CCZ1: variants seen among roughly 807,000 people sequenced by gnomAD.
The protein encoded by CCZ1 is vacuolar fusion protein CCZ1 homolog.
Under a neutral mutation model 57.8 loss-of-function variants are expected in CCZ1, and 19 were observed. That is an observed-to-expected ratio of 0.33 (90% confidence interval 0.23 to 0.48). The LOEUF is 0.48. CCZ1 is among the 20% of genes least tolerant of loss of function. The pLI is 0.99. For missense variants in CCZ1, 200 were observed against 492.0 expected, an observed-to-expected ratio of 0.41 and a Z score of 5.61; for synonymous variants, 81 against 167.0, an observed-to-expected ratio of 0.49 and a Z score of 3.97.
chr7:5,901,493 A>AG (rs1389372332), intron 4 of CCZ1, 164 bp from the exon 5 acceptor site: 2 of 1,237,316 alleles, frequency 1.6e-6, no homozygotes, highest in African/African-American at 3.2e-5. Context: ...TCAAAAAAAA[A>AG]AAAAAAAGAA....
intron 10 of CCZ1, among the ~76,000 whole-genome samples, chr7:5,914,987 C>G (rs1044815300): frequency 6.8e-6 from 1 of 147,154 alleles, no homozygotes; most frequent in Non-Finnish European, 1.5e-5. Context: ...AGTGAGCACA[C>G]CAAGAAGGAA....
chr7:5,910,137 G>C (rs1271104854), intron 8 of CCZ1, 21 bp downstream of exon 8: 1 of 1,586,634 alleles, frequency 6.3e-7, no homozygotes, highest in South Asian at 1.1e-5. Flanking sequence ...TACCATAGCT[G>C]CGCACAATTA....
intron 5 of CCZ1, 192 bp from the exon 6 acceptor site, chr7:5,902,469 A>G: frequency 9.3e-7 from 1 of 1,072,348 alleles, no homozygotes; most frequent in Non-Finnish European, 1.2e-6. Flanking sequence ...TAAATAAGAC[A>G]GCATCACTTA....
At chr7:5,909,597 G>A (rs1781919570) in intron 7 of CCZ1, among the ~76,000 whole-genome samples, 1 of 148,148 alleles carries the variant, frequency 6.8e-6, no homozygotes, top group Non-Finnish European at 1.5e-5. Context: ...TAGTCTGGAG[G>A]CTGAGATGGG....
At chr7:5,903,909 C>T (rs528076758) in intron 6 of CCZ1, among the ~76,000 whole-genome samples, 11 of 143,022 alleles carry the variant, frequency 7.7e-5, no homozygotes, top group South Asian at 7.3e-4. Context: ...GCAGGAGAAT[C>T]GCTTGAACCC....
chr7:5,902,601 A>G (rs1005439823), intron 5 of CCZ1, 60 bp from the exon 6 acceptor site: 1 of 1,526,338 alleles, frequency 6.6e-7, no homozygotes, highest in Non-Finnish European at 8.7e-7. Flanking sequence ...AGAACTTGTT[A>G]TACTGAAAAA....
intron 7 of CCZ1, among the ~76,000 whole-genome samples, chr7:5,907,765 G>A (rs1327765198): frequency 1.6e-5 from 2 of 125,184 alleles, no homozygotes; most frequent in African/African-American, 6.2e-5. Context: ...CAGTGTGCTC[G>A]TGGGGAAAGG....
chr7:5,910,004 C>T (rs750719364), intron 7 of CCZ1, 31 bp from the exon 8 acceptor site: 16 of 1,592,222 alleles, frequency 1.0e-5, no homozygotes, highest in South Asian at 1.0e-4. Context: ...CAGTTCCAAA[C>T]GTTTAACCCA....
chr7:5,902,589 A>G, intron 5 of CCZ1, 72 bp from the exon 6 acceptor site: 2 of 1,499,224 alleles, frequency 1.3e-6, no homozygotes, highest in Admixed American at 4.7e-5. Flanking sequence ...TAAAGGAAAA[A>G]AAGAACTTGT....
chr7:5,920,469 G>A lies in CCZ1; in HGVS notation c.1106+503G>A, dbSNP rs1295389265. Among the ~76,000 whole-genome samples the A allele has an allele frequency of 9.0e-5, 2 of 22,146 alleles. 1 individual carries two copies. Among genetic ancestry groups the A allele is most frequent in the Non-Finnish European group, 1.5e-4 (2 of 13,236 alleles). 14.5% of individuals were successfully genotyped at this position (22,146 alleles called of 152,430 possible). On this transcript the variant is annotated intron_variant, in intron 12 of 14. Transcript: ENST00000325974. ...AATGTCCTTGAATTCTTTCTCCCTG[G>A]CTTTTTTTTTTTTTTTTTGAGACAA...
At chr7:5,899,334 G>GTGTGTGTGTGTGT (rs1562536429) in intron 1 of CCZ1, among the ~76,000 whole-genome samples, 2 of 12,554 alleles carry the variant, frequency 1.6e-4, no homozygotes, top group African/African-American at 5.6e-4. Context: ...TCGGGAGGGG[G>GTGTGTGTGTGTGT]GTGTGTGTGT....
chr7:5,910,012 C>G, intron 7 of CCZ1, 23 bp from the exon 8 acceptor site: 2 of 1,598,218 alleles, frequency 1.3e-6, no homozygotes, highest in Non-Finnish European at 1.7e-6. Context: ...AACGTTTAAC[C>G]CAGTGCTTTT....
At chr7:5,909,158 T>G (rs1458311116) in intron 7 of CCZ1, among the ~76,000 whole-genome samples, 3 of 146,728 alleles carry the variant, frequency 2.0e-5, no homozygotes, top group Non-Finnish European at 4.4e-5. Context: ...ACTGTAGGAG[T>G]AGCCTTTTGC....
chr7:5,906,255 A>G (rs1781817619), intron 7 of CCZ1, among the ~76,000 whole-genome samples: 1 of 147,266 alleles, frequency 6.8e-6, no homozygotes, highest in Admixed American at 6.7e-5. Flanking sequence ...GAAGTCATCA[A>G]GGCTTGCAGC....
Position 5,905,613 on chromosome 7 carries a change from C to T in CCZ1, c.698+344C>T, listed in dbSNP as rs532035411. ...CCTGGTCAACATAGTGAAACCCTGT[C>T]TCTACTAAAAATACAAAAAGTAGCT... is the stretch of plus-strand genomic sequence containing the variant. On this transcript the variant is annotated intron_variant, in intron 7 of 14. Coordinates refer to ENST00000325974, the MANE Select transcript of CCZ1 (RefSeq NM_015622.6). Among the ~76,000 whole-genome samples the T allele has an allele frequency of 8.3e-4, 119 of 144,146 alleles. 7 individuals are homozygous for T. Among genetic ancestry groups the T allele is most frequent in the African/African-American group, 3.0e-3 (114 of 38,078 alleles). 94.6% of individuals were successfully genotyped at this position (144,146 alleles called of 152,430 possible).
intron 4 of CCZ1, 159 bp downstream of exon 4, chr7:5,901,091 T>G (rs1781676364): frequency 2.4e-6 from 1 of 410,384 alleles, no homozygotes; most frequent in African/African-American, 3.0e-5. Flanking sequence ...AGCACAATCT[T>G]TTTAAAATGT....
intron 5 of CCZ1, 46 bp from the exon 6 acceptor site, chr7:5,902,615 A>T (rs188686931): frequency 3.9e-6 from 6 of 1,545,684 alleles, no homozygotes; most frequent in Middle Eastern, 3.4e-4. Context: ...TGAAAAAGTG[A>T]GCATAGGAAA....
chr7:5,907,747 G>T (rs1453727400), intron 7 of CCZ1, among the ~76,000 whole-genome samples: 1 of 135,636 alleles, frequency 7.4e-6, no homozygotes, highest in Non-Finnish European at 1.5e-5. Flanking sequence ...CTGTTCTGTT[G>T]TCACCTCCAG....
At chr7:5,913,072 C>G (rs1203003291) in intron 10 of CCZ1, 118 bp downstream of exon 10, 3 of 737,538 alleles carry the variant, frequency 4.1e-6, no homozygotes, top group African/African-American at 3.6e-5. Context: ...ATTGGAAGTT[C>G]TGATTATGGT....
Sources: allele counts gnomAD v4.1 joint callset (sites outside exome capture counted in the v4.1 genomes callset), GRCh38; gene constraint gnomAD v4.1.1; transcripts MANE v1.5; gene names NCBI Gene and HGNC (gene_info 2026-07-23, HGNC 2026-07-21).